Variants in DNAH11 observed in about 807,000 individuals in gnomAD.
DNAH11 encodes the protein axonemal beta dynein heavy chain 11.
A neutral mutation model predicts 526.0 loss-of-function variants in DNAH11; 442 were observed. The observed-to-expected ratio is 0.84, with a 90% confidence interval of 0.78 to 0.91. The LOEUF is 0.91. Among genes scored for constraint, DNAH11 ranks in the 40% least tolerant of loss-of-function variants. DNAH11 has a pLI of 0.00. For missense variants in DNAH11, 6,989 were observed against 5,448.7 expected, an observed-to-expected ratio of 1.28 and a Z score of -8.90; for synonymous variants, 2,461 against 1,935.9, an observed-to-expected ratio of 1.27 and a Z score of -7.12.
Position 21,690,784 on chromosome 7 carries a change from G to A in DNAH11, c.5944G>A (p.Ala1982Thr). ...RKKRFVFLGE[A>T]ITLKPSVGIF... Reference sequence around the variant, plus strand: ...TGGTAGATTTGTATTTCTTGGGGAAGCTATCACACTGAAGCCATCAGTTGG... The same window carrying A: ...TGGTAGATTTGTATTTCTTGGGGAAACTATCACACTGAAGCCATCAGTTGG... The change falls in exon 35 of 82, where the codon GCT (alanine) becomes ACT (threonine). Residue 1982 changes from alanine (A) to threonine (T), a missense_variant. Ala to Thr is a moderately conservative substitution (Grantham distance 58). Transcript: ENST00000409508. 1 of 1,608,544 alleles carries A rather than the reference G, an allele frequency of 6.2e-7. No homozygotes were observed. Among genetic ancestry groups the A allele is most frequent in the Non-Finnish European group, 8.5e-7 (1 of 1,177,740 alleles).
chr7:21,861,913 G>A lies in DNAH11; in HGVS notation c.11263G>A (p.Gly3755Arg). 10 of 1,613,342 alleles carry A rather than the reference G, an allele frequency of 6.2e-6. No homozygotes were observed. The highest frequency in any genetic ancestry group is 8.5e-6 in the Non-Finnish European group (10 of 1,179,620). Residue 3755 changes from glycine (G) to arginine (R), a missense_variant, in exon 69 of 82, where the codon GGA (glycine) becomes AGA (arginine). Physicochemically the swap from Gly to Arg is moderately radical, Grantham distance 125. Transcript: ENST00000409508. ...EQADKVEDMQ[G>R]RISILMESIT... Reference sequence around the variant, plus strand: ...GGCTGACAAGGTGGAAGACATGCAGGGACGCATCTCTATCCTGATGGAGAG... The same window carrying A: ...GGCTGACAAGGTGGAAGACATGCAGAGACGCATCTCTATCCTGATGGAGAG...
intron 62 of DNAH11, among the ~76,000 whole-genome samples, 161 bp from the exon 63 acceptor site, chr7:21,807,722 C>T (rs533670534): frequency 6.6e-6 from 1 of 152,246 alleles, no homozygotes; most frequent in Non-Finnish European, 1.5e-5. Context: ...GGATTTCAAA[C>T]ACATGAAAGA....
At chr7:21,720,653 T>C (rs545868914) in intron 43 of DNAH11, 72 bp from the exon 44 acceptor site, 2 of 1,457,408 alleles carry the variant, frequency 1.4e-6, no homozygotes, top group Admixed American at 2.4e-5. Flanking sequence ...TAAAGTGGAG[T>C]TGTAAAAATA....
At position 21,841,131 on chromosome 7, in the gene DNAH11, C is replaced by T. The variant is rs1424190275; in HGVS notation, c.10692-1413C>T. Among the ~76,000 whole-genome samples the T allele has an allele frequency of 2.0e-5, 3 of 151,980 alleles. No homozygotes were observed. In the East Asian group the frequency reaches 5.8e-4, roughly 29 times the overall value. ...CCCAGGAGGTGGAGGTTGCAGTGAG[C>T]CAAAATTGTACCATTGCATTTCAGC... On this transcript the variant is annotated intron_variant, in intron 65 of 81. Coordinates refer to ENST00000409508, the MANE Select transcript of DNAH11 (RefSeq NM_001277115.2).
chr7:21,557,134 T>C (rs1480554483), intron 2 of DNAH11, among the ~76,000 whole-genome samples: 1 of 152,054 alleles, frequency 6.6e-6, no homozygotes, highest in Non-Finnish European at 1.5e-5. Flanking sequence ...AAACCTAAAC[T>C]CTTCAGCCTG....
At chr7:21,616,927 C>G (rs974721974) in intron 22 of DNAH11, among the ~76,000 whole-genome samples, 1 of 152,102 alleles carries the variant, frequency 6.6e-6, no homozygotes, top group African/African-American at 2.4e-5. Flanking sequence ...TTTTTTTCCA[C>G]CCCAGGGCTT....
At chr7:21,778,937 G>C in intron 56 of DNAH11, 21 bp from the exon 57 acceptor site, 1 of 1,611,214 alleles carries the variant, frequency 6.2e-7, no homozygotes, top group South Asian at 1.1e-5. Flanking sequence ...AGTGACGTAA[G>C]AATAATGACT....
chr7:21,805,386 T>C (rs956569104), intron 62 of DNAH11, among the ~76,000 whole-genome samples: 1 of 152,096 alleles, frequency 6.6e-6, no homozygotes, highest in Non-Finnish European at 1.5e-5. Context: ...TATAGAATAG[T>C]CCTGGCATGT....
chr7:21,794,547 C>T (rs1234625115), intron 61 of DNAH11, among the ~76,000 whole-genome samples: 2 of 152,048 alleles, frequency 1.3e-5, no homozygotes, highest in African/African-American at 4.8e-5. Flanking sequence ...GGGTAAGGGG[C>T]CCCAAGAAGA....
rs1310816434 is a variant in DNAH11 at position 21,842,582 on chromosome 7, AG to A, written c.10731del (p.Asn3578ThrfsTer35). The A allele has an allele frequency of 6.2e-7, 1 of 1,613,968 alleles. No individual in the cohort carries two copies. The highest frequency in any genetic ancestry group is 2.2e-5 in the East Asian group (1 of 44,870). ...RIGDKECEFN[K>X]NFRLILHTKL... ...GGAGATAAAGAATGTGAATTTAACAAGAACTTTCGCCTTATCCTTCACACAA... is the reference window on the plus strand; with the variant it reads ...GGAGATAAAGAATGTGAATTTAACAAAACTTTCGCCTTATCCTTCACACAA... On this transcript the variant is annotated frameshift_variant, in exon 66 of 82. Transcript: ENST00000409508. LOFTEE classifies it high-confidence loss of function.
At chr7:21,663,054 C>A (rs1782296507) in intron 30 of DNAH11, among the ~76,000 whole-genome samples, 1 of 152,002 alleles carries the variant, frequency 6.6e-6, no homozygotes, top group African/African-American at 2.4e-5. Flanking sequence ...TGTTTAGCTC[C>A]CACTTATAGG....
At chr7:21,794,893 G>C (rs1408248389) in intron 61 of DNAH11, among the ~76,000 whole-genome samples, 1 of 152,112 alleles carries the variant, frequency 6.6e-6, no homozygotes, top group South Asian at 2.1e-4. Flanking sequence ...CTACGAGTCT[G>C]GGGGGCATTT....
chr7:21,620,136 T>A, intron 25 of DNAH11, 58 bp downstream of exon 25: 1 of 1,336,248 alleles, frequency 7.5e-7, no homozygotes, highest in Non-Finnish European at 1.0e-6. Context: ...TGACAAATAA[T>A]TGTATATATA....
At chr7:21,578,804 C>T (rs1302312445) in intron 8 of DNAH11, among the ~76,000 whole-genome samples, 1 of 152,182 alleles carries the variant, frequency 6.6e-6, no homozygotes, top group East Asian at 1.9e-4. Flanking sequence ...ACACAACTGC[C>T]TACCCAACGT....
chr7:21,586,888 C>G (rs1435829041), intron 9 of DNAH11, among the ~76,000 whole-genome samples: 2 of 152,174 alleles, frequency 1.3e-5, no homozygotes, highest in African/African-American at 2.4e-5. Flanking sequence ...TGATGAGAAG[C>G]TACACACTGA....
At chr7:21,802,474 C>T (rs1331779177) in intron 62 of DNAH11, among the ~76,000 whole-genome samples, 2 of 152,030 alleles carry the variant, frequency 1.3e-5, no homozygotes, top group African/African-American at 4.8e-5. Context: ...TAGGTATATA[C>T]CCTAAAGAAA....
At position 21,778,094 on chromosome 7, in the gene DNAH11, T is replaced by C. The variant is rs78193954; in HGVS notation, c.9337-864T>C. ...TCTGAGAACTGAGTCATGTTTTTTT[T>C]CTCTAGTACCTCACTTCTGCTTTTA... is the stretch of plus-strand genomic sequence containing the variant. On this transcript the variant is annotated intron_variant, in intron 56 of 81. Transcript: ENST00000409508. 5.9e-5 allele frequency among the ~76,000 whole-genome samples: 9 copies of C among 152,188 alleles called. No homozygotes were observed. In the East Asian group the frequency reaches 1.2e-3, roughly 20 times the overall value.
intron 8 of DNAH11, among the ~76,000 whole-genome samples, chr7:21,581,298 A>G (rs1784298565): frequency 6.6e-6 from 1 of 152,290 alleles, no homozygotes; most frequent in African/African-American, 2.4e-5. Context: ...ATGGGAGTGG[A>G]TAGTTATGTA....
chr7:21,630,939 A>C (rs1182392564), intron 25 of DNAH11, among the ~76,000 whole-genome samples: 1 of 151,854 alleles, frequency 6.6e-6, no homozygotes, highest in South Asian at 2.1e-4. Flanking sequence ...TTTTCTCTTA[A>C]ATTTGTTAAG....
Sources: gnomAD v4.1 joint callset for allele counts (sites outside exome capture counted in the v4.1 genomes callset) on GRCh38, gnomAD v4.1.1 for gene constraint, MANE v1.5 for transcripts, NCBI Gene and HGNC (gene_info 2026-07-23, HGNC 2026-07-21) for gene names.